TCHP: variants seen among roughly 807,000 people sequenced by gnomAD.
TCHP encodes trichoplein keratin filament-binding protein.
Under a neutral mutation model 88.7 loss-of-function variants are expected in TCHP, and 81 were observed. The ratio of observed to expected loss-of-function variants is 0.91; its 90% CI spans 0.76 to 1.10. The LOEUF is 1.10. Among genes scored for constraint, TCHP ranks in the 50% least tolerant of loss-of-function variants. The probability of loss-of-function intolerance (pLI) is 0.00; values close to 1 mark genes in which losing one functional copy is unlikely to be tolerated. For synonymous variants in TCHP, 232 were observed against 232.5 expected (o/e 1.00, Z 0.02); for missense variants, 641 against 632.1 (o/e 1.01, Z -0.15).
At chr12:109,902,674 C>T (rs918565000) in intron 1 of TCHP, among the ~76,000 whole-genome samples, 5 of 152,150 alleles carry the variant, frequency 3.3e-5, no homozygotes, top group African/African-American at 1.2e-4. Context: ...AGGGGTTTCA[C>T]TATGTTGGCG....
intron 10 of TCHP, among the ~76,000 whole-genome samples, chr12:109,913,746 C>T (rs1272871154): frequency 1.3e-5 from 2 of 152,152 alleles, no homozygotes; most frequent in African/African-American, 2.4e-5. Flanking sequence ...AGAAACTCTA[C>T]GTTGTGTCTG....
At chr12:109,883,922 T>G in the TCHP span, among the ~76,000 whole-genome samples, 1 of 152,154 alleles carries the variant, frequency 6.6e-6, no homozygotes, top group Non-Finnish European at 1.5e-5. Flanking sequence ...TGCTTTCCCA[T>G]AGCTTGTGAC....
At chr12:109,911,843 C>G (rs556094678) in intron 9 of TCHP, among the ~76,000 whole-genome samples, 12 of 151,814 alleles carry the variant, frequency 7.9e-5, no homozygotes, top group Admixed American at 7.9e-4. Flanking sequence ...GTCACCCAGG[C>G]TGGAGTGCAG....
chr12:109,886,327 AG>A, the TCHP span, among the ~76,000 whole-genome samples: 7 of 151,988 alleles, frequency 4.6e-5, no homozygotes, highest in Admixed American at 1.3e-4. Flanking sequence ...TAGTAGAAAC[AG>A]GGTTTCACCA....
At chr12:109,896,471 A>G (rs1358376924), upstream of TCHP, among the ~76,000 whole-genome samples, 1 of 152,252 alleles carries the variant, frequency 6.6e-6, no homozygotes, top group East Asian at 1.9e-4. Flanking sequence ...AAATGAGATA[A>G]TATATCTCAA....
At chr12:109,906,677 G>A (rs752312648) in intron 5 of TCHP, 37 bp downstream of exon 5, 14 of 1,551,784 alleles carry the variant, frequency 9.0e-6, no homozygotes, top group African/African-American at 1.4e-5. Flanking sequence ...CGCGTATTCT[G>A]CTGTGCGAGA....
the TCHP span, among the ~76,000 whole-genome samples, chr12:109,894,435 C>T: frequency 6.7e-6 from 1 of 148,978 alleles, no homozygotes; most frequent in East Asian, 2.0e-4. Flanking sequence ...TGCACTCCAG[C>T]CTGGGCAACA....
At chr12:109,882,884 C>T in the TCHP span, among the ~76,000 whole-genome samples, 1 of 151,720 alleles carries the variant, frequency 6.6e-6, no homozygotes, top group South Asian at 2.1e-4. Context: ...GTCTCAAACT[C>T]CTGACCTTGT....
chr12:109,914,480 T>A lies in TCHP; in HGVS notation c.1173T>A (p.Ile391=), dbSNP rs781071430. 1 of 1,613,848 alleles carries A rather than the reference T, an allele frequency of 6.2e-7. No homozygotes were observed. Among genetic ancestry groups the A allele is most frequent in the African/African-American group, 1.3e-5 (1 of 74,908 alleles). ...TGRQQQIQEK[I]EQNRRAQEES... ...GACAACAGCAAATACAAGAGAAGAT[T>A]GAGCAGAACCGACGGGCACAAGAGG... The change falls in exon 11 of 13, where the codon ATT becomes ATA. Residue 391 remains isoleucine, a synonymous_variant. Coordinates refer to ENST00000405876, the MANE Select transcript of TCHP (RefSeq NM_001143852.2).
chr12:109,888,880 T>C, the TCHP span, among the ~76,000 whole-genome samples: 18 of 151,862 alleles, frequency 1.2e-4, no homozygotes, highest in African/African-American at 4.4e-4. Context: ...AAAATCAAGG[T>C]GTTGGCTAGA....
At chr12:109,914,738 G>A (rs1870703610) in intron 11 of TCHP, 111 bp downstream of exon 11, 1 of 851,546 alleles carries the variant, frequency 1.2e-6, no homozygotes, top group Non-Finnish European at 1.8e-6. Context: ...GCACGTTTGA[G>A]AGCACGGTGC....
intron 6 of TCHP, 57 bp downstream of exon 6, chr12:109,907,756 A>G (rs1175151456): frequency 1.3e-6 from 2 of 1,536,822 alleles, no homozygotes; most frequent in African/African-American, 1.4e-5. Flanking sequence ...TTAGCATGAG[A>G]TGGGCACTTG....
chr12:109,907,632 T>C lies in TCHP; in HGVS notation c.632T>C (p.Leu211Pro). 1 of 1,614,112 alleles carries C rather than the reference T, an allele frequency of 6.2e-7. No homozygotes were observed. The highest frequency in any genetic ancestry group is 1.3e-5 in the African/African-American group (1 of 75,036). Residue 211 changes from leucine to proline, a missense_variant, in exon 6 of 13, where the codon CTG (leucine) becomes CCG (proline). Coordinates refer to ENST00000405876, the MANE Select transcript of TCHP (RefSeq NM_001143852.2). ...RMKAEEERRQLEDKLQAEALL... is the reference protein window; with the variant it reads ...RMKAEEERRQPEDKLQAEALL... Reference sequence around the variant, plus strand: ...AAAGCTGAAGAGGAGAGGAGGCAGCTGGAGGACAAGCTCCAGGCCGAGGCA... The same window carrying C: ...AAAGCTGAAGAGGAGAGGAGGCAGCCGGAGGACAAGCTCCAGGCCGAGGCA...
the TCHP span, among the ~76,000 whole-genome samples, chr12:109,886,120 T>G: frequency 6.6e-6 from 1 of 152,034 alleles, no homozygotes; most frequent in African/African-American, 2.4e-5. Context: ...ATTCCATGGG[T>G]TACAATCCAT....
chr12:109,904,066 G>T lies in TCHP; in HGVS notation c.318G>T (p.Arg106Ser). 6.2e-7 allele frequency: 1 copy of T among 1,603,746 alleles called. No homozygotes were observed. Among genetic ancestry groups the T allele is most frequent in the Non-Finnish European group, 8.5e-7 (1 of 1,175,074 alleles). ...DLLARELEEL[R>S]LSMNLQERRI... ...TGGCCAGAGAACTGGAGGAGCTGAGGCTGAGCATGAACTTGCAGGAAAGAA... is the reference window on the plus strand; with the variant it reads ...TGGCCAGAGAACTGGAGGAGCTGAGTCTGAGCATGAACTTGCAGGAAAGAA... Residue 106 changes from arginine (R) to serine (S), a missense_variant, in exon 3 of 13, where the codon AGG (arginine) becomes AGT (serine). Physicochemically the swap from Arg to Ser is moderately radical, Grantham distance 110 (BLOSUM62 -1). Transcript: ENST00000405876.
chr12:109,902,879 T>G (rs1869883400), intron 1 of TCHP, 148 bp from the exon 2 acceptor site: 5 of 556,290 alleles, frequency 9.0e-6, no homozygotes, highest in Admixed American at 6.9e-5. Flanking sequence ...TCAGACACGG[T>G]TTTGTTTGTT....
Position 109,903,172 on chromosome 12 carries a change from C to G in TCHP, c.146C>G (p.Ser49Cys). ...TTCAGGATGTCTGACATCTGCAGCT[C>G]CAAACAGGCAGAATGGAGCTCTAAA... ...RYFRMSDICS[S>C]KQAEWSSKTS... Residue 49 changes from serine to cysteine, a missense_variant, in exon 2 of 13, where the codon TCC (serine) becomes TGC (cysteine). By Grantham distance (112) the Ser-to-Cys change is moderately radical. Transcript: ENST00000405876. This position sits in a 1 kb window ranked among gnomAD's most constrained non-coding sequence, Gnocchi z 4.6. The G allele has an allele frequency of 6.2e-7, 1 of 1,613,726 alleles. No homozygotes were observed. Among genetic ancestry groups the G allele is most frequent in the Non-Finnish European group, 8.5e-7 (1 of 1,179,724 alleles).
chr12:109,916,780 G>GT lies in TCHP; in HGVS notation c.*160dup. On this transcript the variant is annotated 3_prime_UTR_variant, in exon 13 of 13. Coordinates refer to ENST00000405876, the MANE Select transcript of TCHP (RefSeq NM_001143852.2). ...AGGTTCATCATTGAAACATCCCAGT[G>GT]TTTGGCCAGACATTAAGGTGTCGTG... 1.4e-6 allele frequency: 1 copy of GT among 690,114 alleles called. No individual in the cohort carries two copies. Among genetic ancestry groups the GT allele is most frequent in the East Asian group, 2.6e-5 (1 of 38,212 alleles). 42.7% of individuals were successfully genotyped at this position (690,114 alleles called of 1,614,324 possible).
intron 1 of TCHP, among the ~76,000 whole-genome samples, chr12:109,901,873 G>C (rs961803904): frequency 1.3e-5 from 2 of 152,180 alleles, no homozygotes; most frequent in South Asian, 2.1e-4. Context: ...CTAAATAAAG[G>C]ACTCTTAATT....
Sources: allele counts gnomAD v4.1 joint callset (sites outside exome capture counted in the v4.1 genomes callset), GRCh38; gene constraint gnomAD v4.1.1; non-coding constraint Gnocchi (gnomAD v3.1); transcripts MANE v1.5; gene names NCBI Gene and HGNC (gene_info 2026-07-23, HGNC 2026-07-21).